The following SOX5 variants were observed in gnomAD, a reference collection of about 807,000 sequenced individuals.
SOX5 encodes the protein transcription factor SOX-5.
A neutral mutation model predicts 92.0 loss-of-function variants in SOX5; 9 were observed. The observed-to-expected ratio is 0.10, with a 90% confidence interval of 0.06 to 0.17. The LOEUF (loss-of-function observed/expected upper bound fraction) is 0.17, where lower values mean the gene tolerates loss of function less well. Among genes scored for constraint, SOX5 ranks in the 10% least tolerant of loss-of-function variants. The pLI, the probability that SOX5 is intolerant of heterozygous loss-of-function variation, is 1.00. For synonymous variants in SOX5, 344 were observed against 336.3 expected (o/e 1.02, Z -0.25); for missense variants, 642 against 944.5 (o/e 0.68, Z 4.20).
At chr12:24,022,076 C>T (rs1757600827) in intron 4 of SOX5, among the ~76,000 whole-genome samples, 1 of 152,150 alleles carries the variant, frequency 6.6e-6, no homozygotes, top group South Asian at 2.1e-4. Flanking sequence ...TAATAGCAGA[C>T]AACATTCTTG....
chr12:24,269,531 T>TTCAACTAA lies in SOX5; in HGVS notation c.-77+7684_-77+7685insTTAGTTGA, dbSNP rs1943425399. Among the ~76,000 whole-genome samples, 14 of 152,278 alleles carry TTCAACTAA rather than the reference T, an allele frequency of 9.2e-5. No homozygotes were observed. In the South Asian group the frequency reaches 2.7e-3, roughly 29 times the overall value. On this transcript the variant is annotated intron_variant, in intron 3 of 4. Transcript: ENST00000446891. Reference sequence around the variant, plus strand: ...TATGGTGTTCAACTAAGCCTTTTTGTGACTATTATTGATTTGTTGGAAAGG... The same window carrying TTCAACTAA: ...TATGGTGTTCAACTAAGCCTTTTTGTTCAACTAAGACTATTATTGATTTGTTGGAAAGG...
At chr12:23,885,603 C>T (rs972170651) in intron 2 of SOX5, among the ~76,000 whole-genome samples, 4 of 152,122 alleles carry the variant, frequency 2.6e-5, no homozygotes, top group African/African-American at 7.2e-5. Context: ...TGCTTTATCA[C>T]GTGATGTCAG....
chr12:23,696,265 T>C (rs997223220), intron 6 of SOX5, among the ~76,000 whole-genome samples: 2 of 152,116 alleles, frequency 1.3e-5, no homozygotes, highest in East Asian at 3.9e-4. Context: ...GGAATCTTAT[T>C]GTGGGATGAT....
intron 3 of SOX5, among the ~76,000 whole-genome samples, chr12:24,229,159 G>A (rs576412417): frequency 3.3e-4 from 50 of 152,348 alleles, no homozygotes; most frequent in African/African-American, 1.2e-3. Context: ...GCCTCCACCA[G>A]CATCAGGCAC....
chr12:24,217,156 T>C (rs1188473002), intron 3 of SOX5, among the ~76,000 whole-genome samples: 1 of 152,224 alleles, frequency 6.6e-6, no homozygotes, highest in Non-Finnish European at 1.5e-5. Flanking sequence ...TAAGTTGTTC[T>C]AGTGAACTAT....
chr12:23,600,406 C>A (rs762802762), intron 9 of SOX5, among the ~76,000 whole-genome samples: 1 of 150,782 alleles, frequency 6.6e-6, no homozygotes, highest in Non-Finnish European at 1.5e-5. Flanking sequence ...AAGAGACAAG[C>A]GTATGAGTAT....
chr12:23,609,400 C>A (rs2075680246), intron 8 of SOX5, among the ~76,000 whole-genome samples: 2 of 152,084 alleles, frequency 1.3e-5, no homozygotes, highest in South Asian at 4.1e-4. Flanking sequence ...AAATTATCAA[C>A]ATTTAACAGT....
rs532921298 is a variant in SOX5, at chr12:24,268,345, G to C, written c.-77+8871C>G. Among the ~76,000 whole-genome samples, 6 of 152,220 alleles carry C rather than the reference G, an allele frequency of 3.9e-5. No homozygotes were observed. In the South Asian group the frequency reaches 1.2e-3, roughly 32 times the overall value. ...AAGGGTATGGTAGCATTAGATTTAA[G>C]TATTCCTTTAGCCTGCTTTGCATGG... On this transcript the variant is annotated intron_variant, in intron 3 of 4. Transcript: ENST00000446891.
intron 3 of SOX5, among the ~76,000 whole-genome samples, chr12:24,264,439 T>G (rs1213594619): frequency 1.3e-5 from 2 of 152,216 alleles, no homozygotes; most frequent in East Asian, 3.8e-4. Flanking sequence ...AAAATGTTCA[T>G]GTACTAAAAC....
At chr12:24,268,055 A>G (rs939319264) in intron 3 of SOX5, among the ~76,000 whole-genome samples, 1 of 152,220 alleles carries the variant, frequency 6.6e-6, no homozygotes, top group Non-Finnish European at 1.5e-5. Context: ...ACCTAGTTCC[A>G]AGATCAGGAA....
chr12:24,283,620 A>G (rs145697927), intron 2 of SOX5, among the ~76,000 whole-genome samples: 2 of 152,342 alleles, frequency 1.3e-5, no homozygotes, highest in African/African-American at 4.8e-5. Flanking sequence ...ACTCTTTAAT[A>G]CAAAATCAGT....
chr12:24,096,489 T>C (rs1291857789), intron 4 of SOX5, among the ~76,000 whole-genome samples: 1 of 152,172 alleles, frequency 6.6e-6, no homozygotes, highest in Admixed American at 6.5e-5. Context: ...AAAACCACCA[T>C]TCTACTTCCT....
chr12:23,747,616 TC>T, intron 4 of SOX5, among the ~76,000 whole-genome samples: 1 of 152,018 alleles, frequency 6.6e-6, no homozygotes, highest in Non-Finnish European at 1.5e-5. Context: ...ACTTTTACCC[TC>T]AGAAGACTCT....
intron 1 of SOX5, among the ~76,000 whole-genome samples, chr12:23,899,059 A>C (rs554787540): frequency 6.6e-6 from 1 of 152,296 alleles, no homozygotes; most frequent in South Asian, 2.1e-4. Context: ...TAGATTCTTA[A>C]ATTTTTGTCC....
At chr12:23,947,924 C>A (rs537137197) in intron 1 of SOX5, among the ~76,000 whole-genome samples, 1 of 151,954 alleles carries the variant, frequency 6.6e-6, no homozygotes, top group East Asian at 1.9e-4. Flanking sequence ...ACAAATCAGC[C>A]TCAGAGTTGT....
intron 4 of SOX5, among the ~76,000 whole-genome samples, chr12:24,114,583 A>C (rs1947771570): frequency 8.5e-6 from 1 of 117,990 alleles, no homozygotes; most frequent in Non-Finnish European, 1.8e-5. Context: ...CAAAAAAAAA[A>C]AAAAAAAAAA....
At chr12:23,712,946 G>A (rs952843110) in intron 6 of SOX5, among the ~76,000 whole-genome samples, 1 of 152,122 alleles carries the variant, frequency 6.6e-6, no homozygotes, top group Non-Finnish European at 1.5e-5. Context: ...AGCTGTAGTA[G>A]GTTGAACTGT....
At chr12:24,321,733 A>G (rs1431567101) in intron 2 of SOX5, among the ~76,000 whole-genome samples, 1 of 152,194 alleles carries the variant, frequency 6.6e-6, no homozygotes, top group Non-Finnish European at 1.5e-5. Flanking sequence ...TTTTAGGATT[A>G]CTATAAATAG....
At chr12:24,161,092 A>T (rs1013664937) in intron 4 of SOX5, among the ~76,000 whole-genome samples, 1 of 152,098 alleles carries the variant, frequency 6.6e-6, no homozygotes, top group Admixed American at 6.6e-5. Context: ...TTAACTCCAG[A>T]TGTTCCTACG....
Sources: gnomAD v4.1 joint callset for allele counts (sites outside exome capture counted in the v4.1 genomes callset) on GRCh38, gnomAD v4.1.1 for gene constraint, MANE v1.5 for transcripts, NCBI Gene and HGNC (gene_info 2026-07-23, HGNC 2026-07-21) for gene names.